LRRC4C: variants seen among roughly 807,000 people sequenced by gnomAD.
LRRC4C encodes leucine rich repeat containing 4C.
Under a neutral mutation model 33.6 loss-of-function variants are expected in LRRC4C, and 5 were observed. The observed-to-expected ratio is 0.15, with a 90% CI of 0.08 to 0.31. The LOEUF (loss-of-function observed/expected upper bound fraction) is 0.31. Ranked by LOEUF, LRRC4C falls within the 10% of genes least tolerant of loss-of-function variation. LRRC4C has a pLI of 1.00. For synonymous variants in LRRC4C, 329 were observed against 302.0 expected, an observed-to-expected ratio of 1.09 and a Z score of -0.93; for missense variants, 560 against 796.7, an observed-to-expected ratio of 0.70 and a Z score of 3.58.
intron 3 of LRRC4C, among the ~76,000 whole-genome samples, chr11:40,603,435 TA>T (rs1341877485): frequency 6.6e-6 from 1 of 152,194 alleles, no homozygotes; most frequent in African/African-American, 2.4e-5. Context: ...CCAGCAACAG[TA>T]CATATAAGGT....
At chr11:40,507,696 C>T (rs1427445377) in intron 3 of LRRC4C, among the ~76,000 whole-genome samples, 1 of 150,980 alleles carries the variant, frequency 6.6e-6, no homozygotes, top group African/African-American at 2.4e-5. Context: ...GGCAACTATA[C>T]TGGAGAAAAA....
chr11:40,886,406 T>TACACACACACACACACAC (rs10629266), intron 2 of LRRC4C, among the ~76,000 whole-genome samples: 14 of 145,448 alleles, frequency 9.6e-5, no homozygotes, highest in African/African-American at 1.5e-4. Flanking sequence ...TTTCAAATGC[T>TACACACACACACACACAC]ACACACACAC....
chr11:40,164,795 G>T (rs1312330504), intron 5 of LRRC4C, among the ~76,000 whole-genome samples: 1 of 152,012 alleles, frequency 6.6e-6, no homozygotes, highest in Non-Finnish European at 1.5e-5. Context: ...TTGAGGTGAT[G>T]GAAATCCTAA....
intron 3 of LRRC4C, among the ~76,000 whole-genome samples, chr11:40,633,669 G>A (rs1416148663): frequency 1.3e-5 from 2 of 151,928 alleles, no homozygotes; most frequent in African/African-American, 2.4e-5. Flanking sequence ...GGATTACAGA[G>A]GTAAGCCACC....
chr11:40,513,684 T>C (rs892923564), intron 3 of LRRC4C, among the ~76,000 whole-genome samples: 2 of 152,162 alleles, frequency 1.3e-5, no homozygotes, highest in African/African-American at 4.8e-5. Flanking sequence ...GACAATTTAT[T>C]CCTCCTGAAG....
intron 1 of LRRC4C, among the ~76,000 whole-genome samples, chr11:41,216,460 TAAA>T (rs75829426): frequency 2.3e-5 from 3 of 128,472 alleles, no homozygotes; most frequent in African/African-American, 2.8e-5. Flanking sequence ...CATTCTTAAG[TAAA>T]AAAAAAAAAA....
chr11:41,160,667 C>A (rs1944429447), intron 1 of LRRC4C, among the ~76,000 whole-genome samples: 1 of 152,022 alleles, frequency 6.6e-6, no homozygotes, highest in Non-Finnish European at 1.5e-5. Flanking sequence ...GTGCAGGTGG[C>A]TGGCTATATA....
intron 1 of LRRC4C, among the ~76,000 whole-genome samples, chr11:41,247,906 A>T (rs1948505604): frequency 6.6e-6 from 1 of 152,136 alleles, no homozygotes; most frequent in Non-Finnish European, 1.5e-5. Context: ...TGCATGAGAC[A>T]CATTTTTCTG....
intron 1 of LRRC4C, among the ~76,000 whole-genome samples, chr11:41,296,651 C>T (rs1950152430): frequency 6.6e-6 from 1 of 152,002 alleles, no homozygotes; most frequent in African/African-American, 2.4e-5. Context: ...AGAACGAGAG[C>T]AAAATCCAAA....
At chr11:41,075,014 C>CTTTTTTTTTTTTT (rs869112602) in intron 1 of LRRC4C, among the ~76,000 whole-genome samples, 1 of 100,998 alleles carries the variant, frequency 9.9e-6, no homozygotes, top group African/African-American at 3.2e-5. Context: ...CTTCAATTTT[C>CTTTTTTTTTTTTT]TTTTTTTTTT....
At chr11:41,259,674 T>A (rs185530676) in intron 1 of LRRC4C, among the ~76,000 whole-genome samples, 1 of 152,136 alleles carries the variant, frequency 6.6e-6, no homozygotes, top group East Asian at 1.9e-4. Context: ...CTGTTGTAAG[T>A]TAGCAGAACA....
chr11:40,180,923 G>C (rs1860939723), intron 5 of LRRC4C, among the ~76,000 whole-genome samples: 1 of 152,174 alleles, frequency 6.6e-6, no homozygotes, highest in African/African-American at 2.4e-5. Flanking sequence ...CTGGATCAGA[G>C]ATAGGCAGCA....
rs191499681 is a variant in LRRC4C, at chr11:41,260,427, G to A, written c.-496+199004C>T. ...AAGAAATGAAATGAAGATCGTCTCC[G>A]TCCATTCATGAAGATGAGAGACAAG... On this transcript the variant is annotated intron_variant, in intron 1 of 6. Coordinates refer to ENST00000528697, the MANE Select transcript of LRRC4C (RefSeq NM_001258419.2). Among the ~76,000 whole-genome samples the A allele has an allele frequency of 4.2e-3, 645 of 152,014 alleles. 1 individual carries two copies. The highest frequency in any genetic ancestry group is 0.014 in the Middle Eastern group (4 of 294).
At chr11:41,122,024 C>T (rs752853131) in intron 1 of LRRC4C, among the ~76,000 whole-genome samples, 33 of 151,942 alleles carry the variant, frequency 2.2e-4, no homozygotes, top group Admixed American at 5.2e-4. Flanking sequence ...TGTAGAATAA[C>T]GTCAAATTTG....
chr11:40,255,858 G>A (rs1435838254), intron 4 of LRRC4C, among the ~76,000 whole-genome samples: 4 of 152,162 alleles, frequency 2.6e-5, no homozygotes, highest in African/African-American at 9.7e-5. Context: ...AGACAACTAA[G>A]TCTTTAAAAA....
intron 2 of LRRC4C, among the ~76,000 whole-genome samples, chr11:40,877,579 A>G (rs994570523): frequency 3.3e-5 from 5 of 152,196 alleles, no homozygotes; most frequent in African/African-American, 1.2e-4. Flanking sequence ...CCTTTGGAAC[A>G]GCAGCCTCTC....
In LRRC4C at chr11:40,115,987, C is replaced by T. The variant is rs759799133; in HGVS notation, c.306G>A (p.Leu102=). Residue 102 remains leucine, a synonymous_variant, in exon 7 of 7, where the codon TTG becomes TTA. Transcript: ENST00000528697. This position sits in a 1 kb window ranked among gnomAD's most constrained non-coding sequence, Gnocchi z 6.7. ...KVNSFKHLRH[L]EILQLSRNHI... ...GGTTCCTACTCAACTGTAGGATTTC[C>T]AAGTGTCTCAAGTGCTTGAAGCTGT... 3 of 1,614,062 alleles carry T rather than the reference C, an allele frequency of 1.9e-6. No homozygotes were observed. Among genetic ancestry groups the T allele is most frequent in the Non-Finnish European group, 1.7e-6 (2 of 1,179,996 alleles).
intron 3 of LRRC4C, among the ~76,000 whole-genome samples, chr11:40,522,638 C>T (rs898378904): frequency 6.6e-6 from 1 of 152,132 alleles, no homozygotes; most frequent in South Asian, 2.1e-4. Context: ...TTAATTTCAA[C>T]TGAATTACAT....
chr11:41,359,969 A>G (rs2922045), intron 1 of LRRC4C, among the ~76,000 whole-genome samples: 100,639 of 152,042 alleles, frequency 0.66, 33,544 homozygotes, highest in East Asian at 0.79. Flanking sequence ...GATCATCCGC[A>G]GTCAGGAGTT....
Sources: allele counts gnomAD v4.1 joint callset (sites outside exome capture counted in the v4.1 genomes callset), GRCh38; gene constraint gnomAD v4.1.1; non-coding constraint Gnocchi (gnomAD v3.1); transcripts MANE v1.5; gene names NCBI Gene and HGNC (gene_info 2026-07-23, HGNC 2026-07-21).